Variants in TTLL7 observed in about 807,000 individuals in gnomAD.
TTLL7 encodes tubulin tyrosine ligase like 7.
A neutral mutation model predicts 120.2 loss-of-function variants in TTLL7; 53 were observed. That is an observed-to-expected ratio of 0.44 (90% CI 0.35 to 0.55). TTLL7 has a LOEUF of 0.55. TTLL7 is among the 20% of genes least tolerant of loss of function. The pLI, the probability that TTLL7 is intolerant of heterozygous loss-of-function variation, is 0.00. For synonymous variants in TTLL7, 353 were observed against 351.7 expected, an observed-to-expected ratio of 1.00 and a Z score of -0.04; for missense variants, 803 against 1,054.7, an observed-to-expected ratio of 0.76 and a Z score of 3.31.
chr1:83,957,469 G>A (rs1281620033), intron 1 of TTLL7, among the ~76,000 whole-genome samples: 1 of 152,120 alleles, frequency 6.6e-6, no homozygotes, highest in Non-Finnish European at 1.5e-5. Context: ...ACAAGAGGAA[G>A]GAGAAAAGAA....
chr1:83,940,638 T>C (rs1340662217), intron 7 of TTLL7, among the ~76,000 whole-genome samples: 1 of 152,152 alleles, frequency 6.6e-6, no homozygotes, highest in Admixed American at 6.6e-5. Flanking sequence ...ATATCAATGT[T>C]AACCATGTTA....
chr1:83,933,214 G>T (rs1379402831), intron 9 of TTLL7, among the ~76,000 whole-genome samples: 7 of 152,070 alleles, frequency 4.6e-5, no homozygotes, highest in Non-Finnish European at 1.0e-4. Flanking sequence ...GAGTCTGAAG[G>T]GGAGACACAC....
intron 1 of TTLL7, among the ~76,000 whole-genome samples, chr1:83,997,089 T>C (rs1188011426): frequency 6.6e-6 from 1 of 152,190 alleles, no homozygotes; most frequent in Non-Finnish European, 1.5e-5. Flanking sequence ...GAACAACAAA[T>C]ATAAATTTGT....
At chr1:83,928,630 A>G (rs1028072070) in intron 10 of TTLL7, among the ~76,000 whole-genome samples, 3 of 152,220 alleles carry the variant, frequency 2.0e-5, no homozygotes, top group African/African-American at 4.8e-5. Flanking sequence ...TTTTATTTAC[A>G]TGGGGAGCAT....
chr1:83,935,994 TCTAA>T (rs1365901223), intron 8 of TTLL7, among the ~76,000 whole-genome samples: 1 of 152,152 alleles, frequency 6.6e-6, no homozygotes, highest in African/African-American at 2.4e-5. Flanking sequence ...TAATATGCAT[TCTAA>T]CTAACATAGC....
rs555494684 is a variant in TTLL7 at position 83,984,825 on chromosome 1, A to C, written c.-177+14106T>G. Among the ~76,000 whole-genome samples, 8 of 152,280 alleles carry C rather than the reference A, an allele frequency of 5.3e-5. No individual in the cohort carries two copies. In the East Asian group the frequency reaches 1.5e-3, roughly 29 times the overall value. On this transcript the variant is annotated intron_variant, in intron 1 of 20. Coordinates refer to ENST00000260505, the MANE Select transcript of TTLL7 (RefSeq NM_024686.6). ...GCTGAAAAACTACTGATTGGGTACTATGCTCACTAAATGGGTTATGGGACT... is the reference window on the plus strand; with the variant it reads ...GCTGAAAAACTACTGATTGGGTACTCTGCTCACTAAATGGGTTATGGGACT...
intron 20 of TTLL7, among the ~76,000 whole-genome samples, chr1:83,874,786 C>T (rs1007043673): frequency 6.6e-6 from 1 of 151,882 alleles, no homozygotes; most frequent in Non-Finnish European, 1.5e-5. Flanking sequence ...TTGGATAAGC[C>T]TCACTTTTCT....
At chr1:83,976,245 T>C (rs1651479121) in intron 1 of TTLL7, among the ~76,000 whole-genome samples, 1 of 152,094 alleles carries the variant, frequency 6.6e-6, no homozygotes, top group African/African-American at 2.4e-5. Flanking sequence ...TTTTATCTTA[T>C]CTTGGATTGT....
At chr1:83,941,815 C>CA (rs778905470) in intron 7 of TTLL7, among the ~76,000 whole-genome samples, 7 of 151,628 alleles carry the variant, frequency 4.6e-5, no homozygotes, top group Non-Finnish European at 8.8e-5. Flanking sequence ...TATGGCTGCA[C>CA]AAAAAAAGTC....
intron 18 of TTLL7, among the ~76,000 whole-genome samples, chr1:83,894,749 A>AT (rs1276769183): frequency 6.6e-6 from 1 of 152,016 alleles, no homozygotes; most frequent in Admixed American, 6.6e-5. Flanking sequence ...CTAAGAAGCA[A>AT]TTTCCCAGAT....
intron 10 of TTLL7, among the ~76,000 whole-genome samples, chr1:83,926,192 T>C (rs1233882107): frequency 1.3e-5 from 2 of 151,910 alleles, no homozygotes; most frequent in African/African-American, 4.8e-5. Flanking sequence ...TTGATATTGT[T>C]AGCAGAGAAA....
intron 17 of TTLL7, 133 bp downstream of exon 17, chr1:83,906,196 T>C (rs1032538647): frequency 1.8e-5 from 13 of 733,948 alleles, no homozygotes; most frequent in African/African-American, 3.6e-5. Flanking sequence ...CTAAAGCTAG[T>C]AGAGGTTGAA....
intron 18 of TTLL7, among the ~76,000 whole-genome samples, chr1:83,891,635 T>C (rs866699446): frequency 7.2e-5 from 11 of 152,176 alleles, no homozygotes; most frequent in South Asian, 2.1e-4. Context: ...CTGTTAACAA[T>C]TGTAAACACC....
intron 18 of TTLL7, chr1:83,900,081 G>T: frequency 2.6e-6 from 1 of 386,598 alleles, no homozygotes; most frequent in Non-Finnish European, 5.1e-6. Flanking sequence ...AATATTATTA[G>T]TCACACATGT....
At chr1:83,936,970 A>AG (rs1282521316) in intron 8 of TTLL7, among the ~76,000 whole-genome samples, 1 of 152,150 alleles carries the variant, frequency 6.6e-6, no homozygotes, top group Non-Finnish European at 1.5e-5. Flanking sequence ...CTGACACCTA[A>AG]GGACCTTTGG....
intron 13 of TTLL7, among the ~76,000 whole-genome samples, chr1:83,918,943 A>G (rs1259110902): frequency 6.6e-6 from 1 of 152,052 alleles, no homozygotes; most frequent in African/African-American, 2.4e-5. Flanking sequence ...CCCTTTTAGA[A>G]TCCTGAGCTA....
intron 1 of TTLL7, among the ~76,000 whole-genome samples, chr1:83,965,964 TA>T (rs1261745404): frequency 2.6e-5 from 4 of 152,090 alleles, no homozygotes; most frequent in Non-Finnish European, 5.9e-5. Flanking sequence ...TGCTATCACA[TA>T]ATTAAGATTA....
intron 20 of TTLL7, chr1:83,880,269 C>T (rs1654326860): frequency 6.6e-6 from 1 of 151,904 alleles, no homozygotes; most frequent in African/African-American, 2.4e-5. Flanking sequence ...ACCTTTACCA[C>T]TGCTATTATT....
chr1:83,961,375 T>C (rs1173166468), intron 1 of TTLL7, among the ~76,000 whole-genome samples: 2 of 152,082 alleles, frequency 1.3e-5, no homozygotes, highest in Non-Finnish European at 2.9e-5. Context: ...GGAAAAGCCA[T>C]ATGGAAAAAG....
Sources: allele counts gnomAD v4.1 joint callset (sites outside exome capture counted in the v4.1 genomes callset), GRCh38; gene constraint gnomAD v4.1.1; transcripts MANE v1.5; gene names NCBI Gene and HGNC (gene_info 2026-07-23, HGNC 2026-07-21).